The following SGCD variants were observed in gnomAD, a reference collection of about 807,000 sequenced individuals.
The protein encoded by SGCD is delta-sarcoglycan.
In SGCD, 18 loss-of-function variants were observed where a neutral mutation model predicts 36.6. The ratio of observed to expected loss-of-function variants is 0.49; its 90% CI spans 0.34 to 0.73. The LOEUF is 0.73. SGCD is among the 30% of genes least tolerant of loss of function. SGCD has a pLI of 0.01. For synonymous variants in SGCD, 133 were observed against 130.6 expected (o/e 1.02, Z -0.12); for missense variants, 387 against 346.7 (o/e 1.12, Z -0.92).
At chr5:156,375,417 T>TTA (rs1239602122) in intron 3 of SGCD, among the ~76,000 whole-genome samples, 87 of 116,378 alleles carry the variant, frequency 7.5e-4, no homozygotes, top group African/African-American at 2.8e-3. Context: ...TTTTTTTTTT[T>TTA]AAAGAGTACT....
intron 3 of SGCD, among the ~76,000 whole-genome samples, chr5:156,452,039 G>C (rs143549107): frequency 2.0e-5 from 3 of 152,260 alleles, no homozygotes; most frequent in African/African-American, 7.2e-5. Flanking sequence ...TGGTCACACA[G>C]TTGACTTAGG....
chr5:155,983,230 A>G (rs941862376), intron 1 of SGCD, among the ~76,000 whole-genome samples: 1 of 152,156 alleles, frequency 6.6e-6, no homozygotes, highest in Non-Finnish European at 1.5e-5. Context: ...TACTATTCCT[A>G]TTTTGCTGAT....
the SGCD span, among the ~76,000 whole-genome samples, chr5:155,835,285 G>A: frequency 6.6e-6 from 1 of 152,138 alleles, no homozygotes; most frequent in Admixed American, 6.5e-5. Context: ...TGGGATTACA[G>A]GTGTGAGCCA....
rs142725203 is a variant in SGCD, at chr5:156,533,320, G to A, written c.294+24618G>A. 2.7e-3 allele frequency among the ~76,000 whole-genome samples: 416 copies of A among 152,048 alleles called. 1 individual carries two copies. The highest frequency in any genetic ancestry group is 7.7e-3 in the African/African-American group (318 of 41,470). ...ACTATCCTGTTACTTCTCTCTGTCC[G>A]TACCTTTTGTTAGAATTGCATTACA... On this transcript the variant is annotated intron_variant, in intron 4 of 8. Transcript: ENST00000337851.
chr5:156,075,843 A>C (rs1408635887), intron 1 of SGCD, among the ~76,000 whole-genome samples: 1 of 152,204 alleles, frequency 6.6e-6, no homozygotes, highest in East Asian at 1.9e-4. Context: ...GATCATCTTC[A>C]TCATTTTCTA....
chr5:156,091,380 T>C (rs1483464256), intron 1 of SGCD, among the ~76,000 whole-genome samples: 2 of 152,202 alleles, frequency 1.3e-5, no homozygotes, highest in Non-Finnish European at 1.5e-5. Context: ...AGTGTAAATG[T>C]TTATTCACTT....
chr5:155,830,032 T>C, the SGCD span, among the ~76,000 whole-genome samples: 1 of 152,088 alleles, frequency 6.6e-6, no homozygotes, highest in Non-Finnish European at 1.5e-5. Context: ...GATGAGGGGA[T>C]GGAGGCCCAA....
chr5:156,193,357 C>T (rs1337370293), intron 3 of SGCD, among the ~76,000 whole-genome samples: 1 of 152,140 alleles, frequency 6.6e-6, no homozygotes, highest in African/African-American at 2.4e-5. Flanking sequence ...AACAATTAAA[C>T]TAGACTTCAT....
At chr5:156,428,928 T>G in intron 3 of SGCD, among the ~76,000 whole-genome samples, 1 of 152,134 alleles carries the variant, frequency 6.6e-6, no homozygotes, top group Non-Finnish European at 1.5e-5. Context: ...TTTCTTAAAT[T>G]TATTGAGTCT....
intron 3 of SGCD, among the ~76,000 whole-genome samples, chr5:156,444,042 G>A (rs1753620624): frequency 6.9e-6 from 1 of 144,372 alleles, no homozygotes; most frequent in Non-Finnish European, 1.5e-5. Context: ...ATCCCAGCAC[G>A]CTTTGGAGAC....
chr5:155,942,393 G>T (rs895552264), intron 1 of SGCD, among the ~76,000 whole-genome samples: 2 of 143,808 alleles, frequency 1.4e-5, no homozygotes, highest in South Asian at 2.3e-4. Flanking sequence ...AATCAATCAC[G>T]TGGGCTAAAA....
intron 5 of SGCD, 48 bp downstream of exon 5, chr5:156,589,366 A>G: frequency 1.0e-6 from 1 of 1,000,102 alleles, no homozygotes; most frequent in African/African-American, 1.6e-5. Flanking sequence ...CGAGGCACTC[A>G]GAATACAGAA....
intron 7 of SGCD, chr5:156,739,624 TG>T (rs1756562439): frequency 6.6e-6 from 1 of 152,188 alleles, no homozygotes; most frequent in Non-Finnish European, 1.5e-5. Flanking sequence ...ATAGCCAGAA[TG>T]CTTGTCTTTA....
At chr5:155,760,109 C>G in the SGCD span, among the ~76,000 whole-genome samples, 1 of 151,974 alleles carries the variant, frequency 6.6e-6, no homozygotes, top group Non-Finnish European at 1.5e-5. Context: ...CCAACACCCT[C>G]TCCATCAACC....
At chr5:156,175,071 G>A (rs1439992973) in intron 3 of SGCD, among the ~76,000 whole-genome samples, 1 of 152,014 alleles carries the variant, frequency 6.6e-6, no homozygotes, top group Non-Finnish European at 1.5e-5. Flanking sequence ...ATTACATGAA[G>A]CAATAGTATA....
At chr5:155,901,173 G>T (rs1001879386) in intron 1 of SGCD, among the ~76,000 whole-genome samples, 1 of 151,938 alleles carries the variant, frequency 6.6e-6, no homozygotes, top group Non-Finnish European at 1.5e-5. Flanking sequence ...TTAGCCGGCG[G>T]TGGTGGTGGG....
chr5:155,973,617 A>G (rs924588705), intron 1 of SGCD, among the ~76,000 whole-genome samples: 1 of 152,216 alleles, frequency 6.6e-6, no homozygotes, highest in African/African-American at 2.4e-5. Context: ...TAGTGGGGCC[A>G]TATGAATATA....
At chr5:156,731,341 G>A (rs138651840) in intron 7 of SGCD, among the ~76,000 whole-genome samples, 4 of 152,200 alleles carry the variant, frequency 2.6e-5, no homozygotes, top group African/African-American at 9.6e-5. Flanking sequence ...GCATGTCCTA[G>A]GTTGTTTTCC....
At chr5:156,366,596 T>C (rs2127735829) in intron 3 of SGCD, among the ~76,000 whole-genome samples, 1 of 152,266 alleles carries the variant, frequency 6.6e-6, no homozygotes, top group South Asian at 2.1e-4. Flanking sequence ...GTGATTACTA[T>C]GGAGGATGGA....
Sources: gnomAD v4.1 joint callset for allele counts (sites outside exome capture counted in the v4.1 genomes callset) on GRCh38, gnomAD v4.1.1 for gene constraint, MANE v1.5 for transcripts, NCBI Gene and HGNC (gene_info 2026-07-23, HGNC 2026-07-21) for gene names.